The following KCTD2 variants were observed in gnomAD, a reference collection of about 807,000 sequenced individuals.
KCTD2 encodes BTB/POZ domain-containing protein KCTD2.
In KCTD2, 18 loss-of-function variants were observed where a neutral mutation model predicts 27.9. That is an observed-to-expected ratio of 0.64 (90% CI 0.45 to 0.96). The LOEUF is 0.96. Among genes scored for constraint, KCTD2 ranks in the 40% least tolerant of loss-of-function variants. The pLI, the probability that KCTD2 is intolerant of heterozygous loss-of-function variation, is 0.00. For missense variants in KCTD2, 280 were observed against 348.0 expected, an observed-to-expected ratio of 0.80 and a Z score of 1.56; for synonymous variants, 175 against 148.4, an observed-to-expected ratio of 1.18 and a Z score of -1.30.
At chr17:75,055,949 T>C (rs2073346079) in intron 3 of KCTD2, among the ~76,000 whole-genome samples, 1 of 151,994 alleles carries the variant, frequency 6.6e-6, no homozygotes, top group African/African-American at 2.4e-5. Context: ...GAGAATCGCT[T>C]GAACTAAGAT....
intron 3 of KCTD2, among the ~76,000 whole-genome samples, chr17:75,038,606 G>A (rs2073126475): frequency 6.6e-6 from 1 of 152,234 alleles, no homozygotes; most frequent in Non-Finnish European, 1.5e-5. Context: ...CAAAGAGGAA[G>A]TTGAAGAGAA....
upstream of KCTD2, among the ~76,000 whole-genome samples, chr17:75,044,973 C>A (rs1271432904): frequency 3.9e-5 from 6 of 152,120 alleles, no homozygotes; most frequent in African/African-American, 1.5e-4. Flanking sequence ...GAACCAAGCA[C>A]CCTTACAGAC....
Position 75,063,478 on chromosome 17 carries a change from C to T in KCTD2, c.*431C>T, listed in dbSNP as rs1187075483. On this transcript the variant is annotated 3_prime_UTR_variant, in exon 6 of 6. Coordinates refer to ENST00000322444, the MANE Select transcript of KCTD2 (RefSeq NM_015353.3). Reference sequence around the variant, plus strand: ...CTATGTGTGCCACAATGGACGTTAGCAGCTGCTTCGGAACACCGTCCCTCC... The same window carrying T: ...CTATGTGTGCCACAATGGACGTTAGTAGCTGCTTCGGAACACCGTCCCTCC... 3 of 200,376 alleles carry T rather than the reference C, an allele frequency of 1.5e-5. No individual in the cohort carries two copies. Among genetic ancestry groups the T allele is most frequent in the African/African-American group, 2.3e-5 (1 of 43,902 alleles). 12.4% of individuals were successfully genotyped at this position (200,376 alleles called of 1,614,324 possible).
intron 2 of KCTD2, among the ~76,000 whole-genome samples, chr17:75,034,828 A>G (rs576235180): frequency 2.6e-5 from 4 of 152,248 alleles, no homozygotes; most frequent in Non-Finnish European, 5.9e-5. Context: ...GGATTCGGGC[A>G]AGGGCTGCTC....
At chr17:75,062,067 G>A (rs923499233) in intron 4 of KCTD2, 53 bp from the exon 5 acceptor site, 54 of 1,607,938 alleles carry the variant, frequency 3.4e-5, no homozygotes, top group Non-Finnish European at 4.3e-5. Flanking sequence ...TAGCACTTTC[G>A]AAAGTATGTT....
At chr17:75,034,461 C>G (rs949497267) in intron 2 of KCTD2, among the ~76,000 whole-genome samples, 2 of 152,216 alleles carry the variant, frequency 1.3e-5, no homozygotes, top group African/African-American at 4.8e-5. Flanking sequence ...CCCACAATCC[C>G]TGGCTTAGGA....
chr17:75,054,865 T>C (rs774978025), intron 3 of KCTD2, among the ~76,000 whole-genome samples: 4 of 151,250 alleles, frequency 2.6e-5, no homozygotes, highest in African/African-American at 4.9e-5. Flanking sequence ...CTCTCTTTCA[T>C]GCGATTAGAC....
At chr17:75,057,012 T>G (rs1418178417) in intron 3 of KCTD2, among the ~76,000 whole-genome samples, 3 of 145,202 alleles carry the variant, frequency 2.1e-5, no homozygotes, top group Admixed American at 7.5e-5. Context: ...TGGAGTGCAG[T>G]GATGCGATCT....
intron 1 of KCTD2, 66 bp downstream of exon 1, chr17:75,047,655 C>T (rs767256698): frequency 2.0e-6 from 3 of 1,509,812 alleles, no homozygotes; most frequent in Non-Finnish European, 2.7e-6. Flanking sequence ...GATCGGTCCC[C>T]AGAGTCCTGA....
At chr17:75,057,749 T>A (rs1337896329) in intron 3 of KCTD2, among the ~76,000 whole-genome samples, 1 of 151,640 alleles carries the variant, frequency 6.6e-6, no homozygotes, top group African/African-American at 2.4e-5. Context: ...TTAGTAGAGA[T>A]GGGGTTTCAC....
chr17:75,047,408 A>T lies in KCTD2; in HGVS notation c.158A>T (p.Gln53Leu), dbSNP rs764822377. ...GGCCGCCCGGCTGCCGCCGTCGCGC[A>T]GCCGCTGGAGCCGGGTCCCGGACCA... ...GHGRPAAAVAQPLEPGPGPPE... is the reference protein window; with the variant it reads ...GHGRPAAAVALPLEPGPGPPE... The change falls in exon 1 of 6, where the codon CAG (glutamine) becomes CTG (leucine). Residue 53 changes from glutamine to leucine, a missense_variant. By Grantham distance (113) the Gln-to-Leu change is moderately radical. Coordinates refer to ENST00000322444, the MANE Select transcript of KCTD2 (RefSeq NM_015353.3). 3.3e-6 allele frequency: 4 copies of T among 1,198,644 alleles called. No individual in the cohort carries two copies. The highest frequency in any genetic ancestry group is 3.1e-6 in the Non-Finnish European group (3 of 965,962). 74.3% of individuals were successfully genotyped at this position (1,198,644 alleles called of 1,614,324 possible).
chr17:75,059,427 T>C (rs932696811), intron 3 of KCTD2, 83 bp from the exon 4 acceptor site: 12 of 796,902 alleles, frequency 1.5e-5, no homozygotes, highest in Non-Finnish European at 2.1e-5. Context: ...TTTCAGTGTT[T>C]ATTCATTTGA....
At chr17:75,042,381 C>A, upstream of KCTD2, 2 of 1,499,548 alleles carry the variant, frequency 1.3e-6, no homozygotes, top group Non-Finnish European at 1.8e-6. Context: ...GGTCACCACA[C>A]TTTCCTCTCC....
intron 5 of KCTD2, 88 bp downstream of exon 5, chr17:75,062,333 T>G: frequency 7.5e-7 from 1 of 1,324,670 alleles, no homozygotes; most frequent in Non-Finnish European, 1.0e-6. Flanking sequence ...GCTCCTCACT[T>G]CTTCCCTGGC....
intron 2 of KCTD2, among the ~76,000 whole-genome samples, chr17:75,034,323 G>T (rs1303925229): frequency 1.3e-5 from 2 of 152,234 alleles, no homozygotes; most frequent in East Asian, 3.9e-4. Context: ...GAGAAGGCGA[G>T]GGGCGCAAAC....
chr17:75,034,672 G>A (rs1255290200), intron 2 of KCTD2, among the ~76,000 whole-genome samples: 1 of 152,182 alleles, frequency 6.6e-6, no homozygotes, highest in Non-Finnish European at 1.5e-5. Context: ...AGCTCCATGC[G>A]GTGACGACGC....
In KCTD2 at chr17:75,063,571, A is replaced by C. The variant is rs2073426428; in HGVS notation, c.*524A>C. Reference sequence around the variant, plus strand: ...CTGCAGTTTGTCGAATTGAGGTTTTAGGTAAAGCATAGAGTTGCCAGAGTA... The same window carrying C: ...CTGCAGTTTGTCGAATTGAGGTTTTCGGTAAAGCATAGAGTTGCCAGAGTA... On this transcript the variant is annotated 3_prime_UTR_variant, in exon 6 of 6. Transcript: ENST00000322444. The C allele has an allele frequency of 6.3e-6, 1 of 158,802 alleles. No individual in the cohort carries two copies. The allele number at this position is 158,802 out of a possible 1,614,324, so 9.8% of individuals were successfully genotyped here. A position where few individuals can be genotyped will look rare whatever the true frequency, so the allele number is the denominator to read the frequency against.
intron 4 of KCTD2, among the ~76,000 whole-genome samples, chr17:75,061,017 C>A (rs1436875837): frequency 6.6e-6 from 1 of 152,184 alleles, no homozygotes; most frequent in Non-Finnish European, 1.5e-5. Flanking sequence ...GCCCTCCACT[C>A]CAGAAGTATT....
chr17:75,054,393 C>T (rs112777332), intron 3 of KCTD2, among the ~76,000 whole-genome samples: 10 of 152,266 alleles, frequency 6.6e-5, no homozygotes, highest in East Asian at 5.8e-4. Flanking sequence ...AAAGATGTTA[C>T]GGCACATCTA....
Sources: gnomAD v4.1 joint callset for allele counts (sites outside exome capture counted in the v4.1 genomes callset) on GRCh38, gnomAD v4.1.1 for gene constraint, MANE v1.5 for transcripts, NCBI Gene and HGNC (gene_info 2026-07-23, HGNC 2026-07-21) for gene names.